PAPSS2: variants seen among roughly 807,000 people sequenced by gnomAD.
PAPSS2 encodes the protein bifunctional 3'-phosphoadenosine 5'-phosphosulfate synthase 2.
PAPSS2 carries 61 observed loss-of-function variants against 66.5 expected under a neutral mutation model. The observed-to-expected ratio is 0.92, with a 90% CI of 0.75 to 1.14. The LOEUF (loss-of-function observed/expected upper bound fraction) is 1.14. Among genes scored for constraint, PAPSS2 ranks in the 50% most tolerant of loss-of-function variants. The pLI is 0.00. For missense variants in PAPSS2, 708 were observed against 789.6 expected (o/e 0.90, Z 1.24); for synonymous variants, 289 against 287.5 (o/e 1.01, Z -0.05).
At chr10:87,745,359 A>G in intron 12 of PAPSS2, 128 bp downstream of exon 12, 2 of 744,476 alleles carry the variant, frequency 2.7e-6, no homozygotes, top group Non-Finnish European at 4.7e-6. Context: ...GTCCCTTGAG[A>G]GTCAAGACGT....
intron 8 of PAPSS2, among the ~76,000 whole-genome samples, chr10:87,726,431 A>G (rs1452759671): frequency 6.6e-6 from 1 of 152,220 alleles, no homozygotes; most frequent in Non-Finnish European, 1.5e-5. Flanking sequence ...TCTGTCTAAA[A>G]ATAAAGTAAA....
At chr10:87,708,904 C>T (rs1328379010) in intron 1 of PAPSS2, among the ~76,000 whole-genome samples, 1 of 151,844 alleles carries the variant, frequency 6.6e-6, no homozygotes, top group Non-Finnish European at 1.5e-5. Flanking sequence ...TTTATGGAAG[C>T]AAAACTGCTT....
rs3217087 is a variant in PAPSS2 at position 87,659,881 on chromosome 10, CGCTGCTGCT to C, written c.-83_-75del. 8.2e-5 allele frequency: 85 copies of C among 1,037,636 alleles called. No individual in the cohort carries two copies. Among genetic ancestry groups the C allele is most frequent in the African/African-American group, 1.4e-4 (9 of 63,062 alleles). The allele number at this position is 1,037,636 out of a possible 1,614,324, so 64.3% of individuals were successfully genotyped here. A position where few individuals can be genotyped will look rare whatever the true frequency, so the allele number is the denominator to read the frequency against. On this transcript the variant is annotated 5_prime_UTR_variant, in exon 1 of 13. Transcript: ENST00000456849. Reference sequence around the variant, plus strand: ...ACCTCCTTCCCGGGAGTCCGGCAGCCGCTGCTGCTGCTGCTGCTGCTGCTGCCGCCGCCG... The same window carrying C: ...ACCTCCTTCCCGGGAGTCCGGCAGCCGCTGCTGCTGCTGCTGCCGCCGCCG...
intron 1 of PAPSS2, among the ~76,000 whole-genome samples, chr10:87,705,996 T>A (rs1853378937): frequency 6.7e-6 from 1 of 149,854 alleles, no homozygotes; most frequent in Admixed American, 6.7e-5. Flanking sequence ...CCTCCCAGAG[T>A]GCTGGGATTA....
intron 8 of PAPSS2, among the ~76,000 whole-genome samples, chr10:87,724,927 GA>G (rs1286536636): frequency 6.9e-6 from 1 of 144,904 alleles, no homozygotes; most frequent in Non-Finnish European, 1.5e-5. Context: ...TGTGATTGTG[GA>G]ATCTGGCAAG....
intron 1 of PAPSS2, among the ~76,000 whole-genome samples, chr10:87,665,366 C>T (rs1313583686): frequency 1.3e-5 from 2 of 152,142 alleles, no homozygotes; most frequent in Non-Finnish European, 2.9e-5. Flanking sequence ...TGCCTGCCAC[C>T]ACGCCCGGCT....
chr10:87,694,481 C>T (rs912309637), intron 1 of PAPSS2, among the ~76,000 whole-genome samples: 1 of 152,168 alleles, frequency 6.6e-6, no homozygotes. Flanking sequence ...GCTTGGAGAA[C>T]AGGTGGTATG....
At position 87,713,230 on chromosome 10, in the gene PAPSS2, C is replaced by A; in HGVS notation, c.301C>A (p.Arg101Ser). Residue 101 changes from arginine (R) to serine (S), a missense_variant, in exon 3 of 13, where the codon CGC (arginine) becomes AGC (serine). Transcript: ENST00000456849. Reference protein sequence around the residue: ...FSPGDREENIRRIAEVAKLFA... With the variant: ...FSPGDREENISRIAEVAKLFA... The stretch of plus-strand genomic sequence containing the variant: ...TCCTGGGGACAGAGAGGAAAATATC[C>A]GCCGGATTGCTGAGGTGGCTAAGCT... The A allele has an allele frequency of 1.2e-6, 2 of 1,603,860 alleles. No individual in the cohort carries two copies. The highest frequency in any genetic ancestry group is 1.7e-6 in the Non-Finnish European group (2 of 1,176,780).
chr10:87,700,928 A>T, intron 1 of PAPSS2, among the ~76,000 whole-genome samples: 1 of 151,886 alleles, frequency 6.6e-6, no homozygotes, highest in Non-Finnish European at 1.5e-5. Flanking sequence ...TAATAATTTC[A>T]TATTTTAAAA....
At chr10:87,683,680 T>G (rs993559315) in intron 1 of PAPSS2, among the ~76,000 whole-genome samples, 1 of 146,090 alleles carries the variant, frequency 6.8e-6, no homozygotes, top group South Asian at 2.2e-4. Flanking sequence ...CTTCCACTTA[T>G]TGAGATAAAA....
At position 87,693,801 on chromosome 10, in the gene PAPSS2, A is replaced by C. The variant is rs138415765; in HGVS notation, c.28-15395A>C. Among the ~76,000 whole-genome samples, 4 of 152,346 alleles carry C rather than the reference A, an allele frequency of 2.6e-5. No individual in the cohort carries two copies. The East Asian group carries it at 7.7e-4, about 29-fold the overall frequency. ...ATTTCAAAGGATATTTTACAAATGC[A>C]TTTGTGAATGGTAGTTCGTTCTTTT... On this transcript the variant is annotated intron_variant, in intron 1 of 12. Coordinates refer to ENST00000456849, the MANE Select transcript of PAPSS2 (RefSeq NM_001015880.2).
At chr10:87,704,981 C>A (rs1037481821) in intron 1 of PAPSS2, among the ~76,000 whole-genome samples, 1 of 152,078 alleles carries the variant, frequency 6.6e-6, no homozygotes, top group African/African-American at 2.4e-5. Flanking sequence ...TGTTTGTGTG[C>A]GTGTACATGG....
chr10:87,719,683 C>T (rs987835682), intron 7 of PAPSS2, among the ~76,000 whole-genome samples: 7 of 152,068 alleles, frequency 4.6e-5, no homozygotes, highest in South Asian at 2.1e-4. Flanking sequence ...AGCACAGATA[C>T]GATGTTCGTC....
chr10:87,732,220 T>G (rs528765968), intron 9 of PAPSS2, among the ~76,000 whole-genome samples: 46 of 152,308 alleles, frequency 3.0e-4, no homozygotes, highest in Admixed American at 5.9e-4. Context: ...CATTAACATT[T>G]TTAGCAAAAA....
chr10:87,719,718 G>A (rs1440735153), intron 7 of PAPSS2, among the ~76,000 whole-genome samples: 1 of 152,156 alleles, frequency 6.6e-6, no homozygotes, highest in African/African-American at 2.4e-5. Context: ...TATACACTGA[G>A]TGCCCCCCAT....
intron 1 of PAPSS2, among the ~76,000 whole-genome samples, chr10:87,686,341 C>CAA (rs1211559805): frequency 4.8e-4 from 28 of 58,152 alleles, no homozygotes; most frequent in African/African-American, 9.6e-4. Flanking sequence ...GGCAACTTTC[C>CAA]AAAAAAAAAA....
chr10:87,703,276 CGTGTGTGTGTGTGTGTGTGTGT>C (rs10673718), intron 1 of PAPSS2, among the ~76,000 whole-genome samples: 1 of 145,590 alleles, frequency 6.9e-6, no homozygotes. Context: ...AACAACATTG[CGTGTGTGTGTGTGTGTGTGTGT>C]GTGTGTGTGT....
At chr10:87,701,372 CTTTCTTTCTT>C (rs1853310229) in intron 1 of PAPSS2, among the ~76,000 whole-genome samples, 4 of 94,550 alleles carry the variant, frequency 4.2e-5, no homozygotes, top group East Asian at 2.9e-4. Context: ...TTCTTTCTTT[CTTTCTTTCTT>C]TCTTTCTTTC....
intron 1 of PAPSS2, among the ~76,000 whole-genome samples, chr10:87,661,965 G>T (rs1370050147): frequency 1.3e-5 from 2 of 152,174 alleles, no homozygotes; most frequent in East Asian, 1.9e-4. Flanking sequence ...AATGCATGTG[G>T]AATCTCTCAA....
Sources: gnomAD v4.1 joint callset for allele counts (sites outside exome capture counted in the v4.1 genomes callset) on GRCh38, gnomAD v4.1.1 for gene constraint, MANE v1.5 for transcripts, NCBI Gene and HGNC (gene_info 2026-07-23, HGNC 2026-07-21) for gene names.